Variants in HDAC4 observed in about 807,000 individuals in gnomAD.
The protein encoded by HDAC4 is histone deacetylase A.
Under a neutral mutation model 135.1 loss-of-function variants are expected in HDAC4, and 16 were observed. The observed-to-expected ratio is 0.12, with a 90% CI of 0.08 to 0.18. The LOEUF (loss-of-function observed/expected upper bound fraction) is 0.18. Ranked by LOEUF, HDAC4 falls within the 10% of genes least tolerant of loss-of-function variation. The pLI, the probability that HDAC4 is intolerant of heterozygous loss-of-function variation, is 1.00. For missense variants in HDAC4, 1,143 were observed against 1,511.8 expected (o/e 0.76, Z 4.05); for synonymous variants, 685 against 653.4 (o/e 1.05, Z -0.74).
intron 2 of HDAC4, among the ~76,000 whole-genome samples, chr2:239,318,215 C>T (rs556536823): frequency 6.6e-6 from 1 of 152,222 alleles, no homozygotes; most frequent in Non-Finnish European, 1.5e-5. Flanking sequence ...AGTGGAAACA[C>T]CCGCCAGCAT....
intron 6 of HDAC4, among the ~76,000 whole-genome samples, chr2:239,159,090 AC>A (rs2042610223): frequency 6.7e-6 from 1 of 148,176 alleles, no homozygotes; most frequent in Non-Finnish European, 1.5e-5. Context: ...TCCACACCTC[AC>A]ACACACACAC....
chr2:239,085,625 C>T (rs935578928), intron 19 of HDAC4, among the ~76,000 whole-genome samples: 1 of 152,260 alleles, frequency 6.6e-6, no homozygotes, highest in Non-Finnish European at 1.5e-5. Context: ...AGTGACTGTT[C>T]TGGGATGTGG....
At chr2:239,320,179 T>TCAAG in intron 2 of HDAC4, among the ~76,000 whole-genome samples, 1 of 152,038 alleles carries the variant, frequency 6.6e-6, no homozygotes, top group South Asian at 2.1e-4. Context: ...GGTCAGAAGT[T>TCAAG]CAAGACCAGC....
chr2:239,397,117 C>A (rs1396259777), intron 1 of HDAC4, among the ~76,000 whole-genome samples: 1 of 152,252 alleles, frequency 6.6e-6, no homozygotes, highest in East Asian at 1.9e-4. Context: ...GAAAGGTATT[C>A]CAAATCGTCC....
rs374845729 is a variant in HDAC4 at position 239,255,772 on chromosome 2, G to A, written c.23-19108C>T. ...GCAATCCTACTCTGAAACACAAAAAGCTCCCAAGAGCATGACTGACAGCAA... is the reference window on the plus strand; with the variant it reads ...GCAATCCTACTCTGAAACACAAAAAACTCCCAAGAGCATGACTGACAGCAA... On this transcript the variant is annotated intron_variant, in intron 2 of 26. Coordinates refer to ENST00000543185, the MANE Select transcript of HDAC4 (RefSeq NM_001378414.1). Among the ~76,000 whole-genome samples, 227 of 152,242 alleles carry A rather than the reference G, an allele frequency of 1.5e-3. 2 individuals are homozygous for A. Among genetic ancestry groups the A allele is most frequent in the African/African-American group, 5.4e-3 (223 of 41,540 alleles).
chr2:239,104,324 G>T (rs2037931654), intron 15 of HDAC4, among the ~76,000 whole-genome samples: 1 of 152,192 alleles, frequency 6.6e-6, no homozygotes, highest in Non-Finnish European at 1.5e-5. Context: ...CATCTCCCGG[G>T]TTCAAGTGAT....
intron 3 of HDAC4, among the ~76,000 whole-genome samples, chr2:239,228,058 G>A (rs1305535915): frequency 1.3e-5 from 2 of 152,216 alleles, no homozygotes; most frequent in Non-Finnish European, 2.9e-5. Context: ...TGGAAGGGAC[G>A]GTGGTTGAGC....
In HDAC4 at chr2:239,307,020, C is replaced by T. The variant is rs991918005; in HGVS notation, c.22+45658G>A. Among the ~76,000 whole-genome samples the T allele has an allele frequency of 6.6e-6, 1 of 152,110 alleles. No individual in the cohort carries two copies. The highest frequency in any genetic ancestry group is 6.5e-5 in the Admixed American group (1 of 15,284). ...GGGGCCACCGGCAGGGTGGGTGATG[C>T]CATCCTTCCCACTCTCGCCCTCCGG... On this transcript the variant is annotated intron_variant, in intron 2 of 26. Transcript: ENST00000543185. The surrounding 1 kb of genome is among the most constrained non-coding windows in gnomAD (Gnocchi z 4.8).
intron 1 of HDAC4, among the ~76,000 whole-genome samples, chr2:239,379,055 T>G (rs768774766): frequency 5.9e-5 from 9 of 152,032 alleles, no homozygotes; most frequent in Non-Finnish European, 1.0e-4. Flanking sequence ...GGAAGTGCCC[T>G]AGGGAAGGAG....
intron 1 of HDAC4, among the ~76,000 whole-genome samples, chr2:239,368,309 AG>A (rs1337115346): frequency 3.3e-5 from 5 of 152,054 alleles, no homozygotes; most frequent in Middle Eastern, 3.4e-3. Flanking sequence ...GCAGAGACAC[AG>A]GAACTTGGCT....
At chr2:239,320,491 T>C (rs2053273097) in intron 2 of HDAC4, among the ~76,000 whole-genome samples, 1 of 151,576 alleles carries the variant, frequency 6.6e-6, no homozygotes, top group Non-Finnish European at 1.5e-5. Context: ...CATAGGTAAA[T>C]CTAAATTTGC....
At chr2:239,125,178 G>A (rs1490899425) in intron 12 of HDAC4, among the ~76,000 whole-genome samples, 3 of 152,240 alleles carry the variant, frequency 2.0e-5, no homozygotes, top group African/African-American at 7.2e-5. Flanking sequence ...ACTGGAGGTG[G>A]GACCTGGCAG....
At chr2:239,282,113 A>C (rs1575601940) in intron 2 of HDAC4, among the ~76,000 whole-genome samples, 1 of 148,668 alleles carries the variant, frequency 6.7e-6, no homozygotes, top group Non-Finnish European at 1.5e-5. Context: ...CACTCTACAC[A>C]CCACTCTACA....
intron 15 of HDAC4, among the ~76,000 whole-genome samples, chr2:239,104,253 G>A (rs752254194): frequency 7.2e-5 from 11 of 152,076 alleles, no homozygotes; most frequent in Non-Finnish European, 5.9e-5. Flanking sequence ...TTTTTGAAAC[G>A]GAGTTTCGCT....
Position 239,053,944 on chromosome 2 carries a change from G to A in HDAC4, c.3089-343C>T, listed in dbSNP as rs374351396. 5.9e-5 allele frequency among the ~76,000 whole-genome samples: 9 copies of A among 152,198 alleles called. No individual in the cohort carries two copies. In the East Asian group the frequency reaches 1.4e-3, roughly 23 times the overall value. On this transcript the variant is annotated intron_variant, in intron 25 of 26. Coordinates refer to ENST00000543185, the MANE Select transcript of HDAC4 (RefSeq NM_001378414.1). ...CAGGGCAGGGGGCTGCCAGCCTGCT[G>A]GGTTGAGCCTTCCTATCTCTGGGAG... is the stretch of plus-strand genomic sequence containing the variant.
intron 2 of HDAC4, among the ~76,000 whole-genome samples, chr2:239,247,463 G>A (rs1216374669): frequency 1.3e-5 from 2 of 152,164 alleles, no homozygotes; most frequent in Non-Finnish European, 2.9e-5. Context: ...GTACGTGCGG[G>A]GCGAGAGACT....
In HDAC4 at chr2:239,094,775, A is replaced by ACCCCAGAG. The variant is rs978881632; in HGVS notation, c.2280+227_2280+234dup. The ACCCCAGAG allele has an allele frequency of 2.7e-5, 38 of 1,387,312 alleles. 1 individual carries two copies. The Middle Eastern group carries it at 1.6e-3, about 59-fold the overall frequency. The allele number at this position is 1,387,312 out of a possible 1,614,324, so 85.9% of individuals were successfully genotyped here. On this transcript the variant is annotated intron_variant, in intron 17 of 26. Coordinates refer to ENST00000543185, the MANE Select transcript of HDAC4 (RefSeq NM_001378414.1). ...TGTTTCTTAAAGCGAGAGCCACTGC[A>ACCCCAGAG]CCCCAGAGCCCCAGCCACCTGCGCC...
At chr2:239,321,115 G>A (rs2125763377) in intron 2 of HDAC4, among the ~76,000 whole-genome samples, 1 of 152,076 alleles carries the variant, frequency 6.6e-6, no homozygotes, top group Non-Finnish European at 1.5e-5. Context: ...TGCTTATAAC[G>A]TTTGCTTTAT....
At chr2:239,381,543 T>C (rs1446150937) in intron 1 of HDAC4, among the ~76,000 whole-genome samples, 1 of 152,222 alleles carries the variant, frequency 6.6e-6, no homozygotes, top group Non-Finnish European at 1.5e-5. Context: ...ATGTAACTTG[T>C]CCCAAGAGTT....
Sources: gnomAD v4.1 joint callset for allele counts (sites outside exome capture counted in the v4.1 genomes callset) on GRCh38, gnomAD v4.1.1 for gene constraint, Gnocchi (gnomAD v3.1) non-coding constraint, MANE v1.5 for transcripts, NCBI Gene and HGNC (gene_info 2026-07-23, HGNC 2026-07-21) for gene names.